TMEM254: variants seen among roughly 807,000 people sequenced by gnomAD.
The protein encoded by TMEM254 is transmembrane protein C10orf57.
TMEM254 carries 16 observed loss-of-function variants against 13.9 expected under a neutral mutation model. That is an observed-to-expected ratio of 1.15 (90% CI 0.78 to 1.75). The LOEUF (loss-of-function observed/expected upper bound fraction) is 1.75. Among genes scored for constraint, TMEM254 ranks in the 40% most tolerant of loss-of-function variants. The pLI, the probability that TMEM254 is intolerant of heterozygous loss-of-function variation, is 0.00. For missense variants in TMEM254, 155 were observed against 149.0 expected (o/e 1.04, Z -0.21); for synonymous variants, 61 against 56.4 (o/e 1.08, Z -0.36).
At chr10:80,079,644 G>T in intron 1 of TMEM254, 1 of 986,992 alleles carries the variant, frequency 1.0e-6, no homozygotes, top group South Asian at 4.7e-5. Context: ...ACGTTTGTTT[G>T]GCTGAGAAAT....
chr10:80,079,205 G>A, intron 1 of TMEM254: 1 of 1,281,676 alleles, frequency 7.8e-7, no homozygotes, highest in Admixed American at 2.5e-5. Context: ...GGGTGGGGCG[G>A]GGCGGGCCTC....
intron 1 of TMEM254, among the ~76,000 whole-genome samples, chr10:80,081,272 AAAGG>A (rs1262315732): frequency 1.1e-5 from 1 of 91,154 alleles, no homozygotes; most frequent in Non-Finnish European, 2.3e-5. Context: ...CAAAAGAAGA[AAAGG>A]AAGAAAAAAA....
At position 80,078,704 on chromosome 10, in the gene TMEM254, C is replaced by G. The variant is rs1843774908; in HGVS notation, c.5C>G (p.Ala2Gly). The change falls in exon 1 of 4, where the codon GCT becomes GGT. Residue 2 changes from alanine to glycine, a missense_variant. By Grantham distance (60) the Ala-to-Gly change is moderately conservative (BLOSUM62 0). Coordinates refer to ENST00000372281, the MANE Select transcript of TMEM254 (RefSeq NM_025125.4). ...TCCCGGGGAGGTGTTGCAGCCATGG[C>G]TACGGCAGCCGGCGCGACCTACTTT... M[A>G]TAAGATYFQR... is the part of the protein sequence containing the mutation. 1.2e-5 allele frequency: 19 copies of G among 1,600,628 alleles called. No homozygotes were observed. The highest frequency in any genetic ancestry group is 1.6e-5 in the Non-Finnish European group (19 of 1,175,312).
intron 1 of TMEM254, chr10:80,079,257 G>A (rs544551896): frequency 8.1e-7 from 1 of 1,236,084 alleles, no homozygotes; most frequent in South Asian, 1.4e-5. Flanking sequence ...GGGGAGCTCT[G>A]GGAACGGGGC....
intron 3 of TMEM254, among the ~76,000 whole-genome samples, chr10:80,083,047 G>C (rs1844122346): frequency 6.7e-6 from 1 of 149,884 alleles, no homozygotes; most frequent in Non-Finnish European, 1.5e-5. Flanking sequence ...AGACTGCTAA[G>C]TATGTTAAAT....
chr10:80,086,564 T>G (rs1844323019), intron 3 of TMEM254: 1 of 171,680 alleles, frequency 5.8e-6, no homozygotes. Flanking sequence ...GAAAGTTGGC[T>G]GGGCGCGGTG....
At chr10:80,085,397 C>T (rs1356255518) in intron 3 of TMEM254, among the ~76,000 whole-genome samples, 1 of 151,416 alleles carries the variant, frequency 6.6e-6, no homozygotes, top group African/African-American at 2.4e-5. Context: ...TCTGTCTCTA[C>T]TAAAAATATG....
Sources: allele counts gnomAD v4.1 joint callset (sites outside exome capture counted in the v4.1 genomes callset), GRCh38; gene constraint gnomAD v4.1.1; transcripts MANE v1.5; gene names NCBI Gene and HGNC (gene_info 2026-07-23, HGNC 2026-07-21).